Variants in FAM50B observed in about 807,000 individuals in gnomAD.
The protein encoded by FAM50B is protein FAM50B.
Under a neutral mutation model 25.4 loss-of-function variants are expected in FAM50B, and 9 were observed. The observed-to-expected ratio is 0.35, with a 90% CI of 0.21 to 0.62. The LOEUF is 0.62. Ranked by LOEUF, FAM50B falls within the 20% of genes least tolerant of loss-of-function variation. The pLI is 0.73. For missense variants in FAM50B, 372 were observed against 477.9 expected, an observed-to-expected ratio of 0.78 and a Z score of 2.07; for synonymous variants, 212 against 204.3, an observed-to-expected ratio of 1.04 and a Z score of -0.32.
the FAM50B span, among the ~76,000 whole-genome samples, chr6:3,840,845 C>T: frequency 4.6e-5 from 7 of 152,142 alleles, no homozygotes; most frequent in Non-Finnish European, 8.8e-5. Context: ...TAACTATATA[C>T]CAAAAACAGC....
the FAM50B span, among the ~76,000 whole-genome samples, chr6:3,839,867 C>T: frequency 3.9e-5 from 6 of 152,228 alleles, no homozygotes; most frequent in South Asian, 1.2e-3. Context: ...AACATAGGGC[C>T]GGGAGCGGTG....
At chr6:3,834,379 GAAGAA>G in the FAM50B span, among the ~76,000 whole-genome samples, 6 of 124,120 alleles carry the variant, frequency 4.8e-5, no homozygotes, top group South Asian at 2.7e-4. Context: ...AAAAAAAAAG[GAAGAA>G]AAGAAAAGAA....
Position 3,849,658 on chromosome 6 carries a change from C to T in FAM50B, c.-23-131C>T, listed in dbSNP as rs1762174056. The T allele has an allele frequency of 5.2e-6, 7 of 1,340,400 alleles. No homozygotes were observed. In the Admixed American group the frequency reaches 2.1e-4, roughly 39 times the overall value. 83.0% of individuals were successfully genotyped at this position (1,340,400 alleles called of 1,614,324 possible). On this transcript the variant is annotated intron_variant, in intron 1 of 1. Transcript: ENST00000648326. ...GTGACACTGTCAGGTTGGTGGTTAC[C>T]CTAGCAGGTCGGCCCAGCCCCTGAA...
At chr6:3,844,274 C>T in the FAM50B span, among the ~76,000 whole-genome samples, 1 of 152,082 alleles carries the variant, frequency 6.6e-6, no homozygotes, top group African/African-American at 2.4e-5. Context: ...TGTATTTAAT[C>T]GGCATTTCTG....
chr6:3,839,382 G>T, the FAM50B span, among the ~76,000 whole-genome samples: 1 of 152,226 alleles, frequency 6.6e-6, no homozygotes, highest in East Asian at 1.9e-4. Flanking sequence ...CTCCCACTAG[G>T]TTCTTCCTCC....
At chr6:3,845,939 T>C (rs1004149826), upstream of FAM50B, among the ~76,000 whole-genome samples, 5 of 152,068 alleles carry the variant, frequency 3.3e-5, no homozygotes, top group Admixed American at 6.6e-5. Context: ...GCCAGGATGG[T>C]CTCGATCTCT....
chr6:3,844,547 C>A (rs1246635708), upstream of FAM50B, among the ~76,000 whole-genome samples: 2 of 151,958 alleles, frequency 1.3e-5, no homozygotes, highest in Non-Finnish European at 1.5e-5. Context: ...CCCGTCTCTA[C>A]TAAAAATACA....
the FAM50B span, among the ~76,000 whole-genome samples, chr6:3,835,602 C>T: frequency 5.3e-5 from 8 of 152,182 alleles, no homozygotes; most frequent in South Asian, 4.1e-4. Flanking sequence ...GGAGGAACAA[C>T]GCAAACAAGC....
rs763248399 is a variant in FAM50B at position 3,850,618 on chromosome 6, T to A, written c.807T>A (p.Asp269Glu). ...RGKSGPLFSF[D>E]VHDDVRLLSD... ...AGAGCGGGCCGCTCTTCAGCTTCGATGTGCACGATGACGTGCGCCTGCTCA... is the reference window on the plus strand; with the variant it reads ...AGAGCGGGCCGCTCTTCAGCTTCGAAGTGCACGATGACGTGCGCCTGCTCA... The change falls in exon 2 of 2, where the codon GAT becomes GAA. Residue 269 changes from aspartate to glutamate, a missense_variant. Coordinates refer to ENST00000648326, the MANE Select transcript of FAM50B (RefSeq NM_012135.3). 3.1e-6 allele frequency: 5 copies of A among 1,614,008 alleles called. No homozygotes were observed. The African/African-American group carries it at 6.7e-5, about 22-fold the overall frequency.
At chr6:3,832,615 T>C in the FAM50B span, among the ~76,000 whole-genome samples, 1 of 152,162 alleles carries the variant, frequency 6.6e-6, no homozygotes, top group African/African-American at 2.4e-5. Flanking sequence ...GAAGGAACCA[T>C]CTTCCACTGG....
At chr6:3,846,088 G>C (rs1034755063), upstream of FAM50B, among the ~76,000 whole-genome samples, 6 of 152,132 alleles carry the variant, frequency 3.9e-5, no homozygotes, top group African/African-American at 1.4e-4. Context: ...CCACCTATTA[G>C]AGACCTTAGA....
chr6:3,844,491 A>G (rs565724021), upstream of FAM50B, among the ~76,000 whole-genome samples: 98 of 152,326 alleles, frequency 6.4e-4, no homozygotes, highest in African/African-American at 2.3e-3. Flanking sequence ...AGGGCAGATC[A>G]CCTGAGGTCA....
rs763818446 is a variant in FAM50B at position 3,850,156 on chromosome 6, T to A, written c.345T>A (p.Arg115=). The change falls in exon 2 of 2, where the codon CGT becomes CGA. Residue 115 remains arginine, a synonymous_variant. Coordinates refer to ENST00000648326, the MANE Select transcript of FAM50B (RefSeq NM_012135.3). ...AGGAGCAGCGGCGCGAGCGCAAGCG[T>A]AAGATCTCCTGCCTGTCCTTTGCAC... is the stretch of plus-strand genomic sequence containing the variant. ...REQEQRRERK[R]KISCLSFALD... 1 of 1,612,916 alleles carries A rather than the reference T, an allele frequency of 6.2e-7. No homozygotes were observed. The highest frequency in any genetic ancestry group is 8.5e-7 in the Non-Finnish European group (1 of 1,179,762).
At position 3,850,238 on chromosome 6, in the gene FAM50B, G is replaced by C; in HGVS notation, c.427G>C (p.Gly143Arg). Residue 143 changes from glycine to arginine, a missense_variant, in exon 2 of 2, where the codon GGC becomes CGC. Gly to Arg is a moderately radical substitution (Grantham distance 125). This residue lies in a region of FAM50B where 224 missense variants were observed against 232.2 expected (regional missense o/e 0.96). Coordinates refer to ENST00000648326, the MANE Select transcript of FAM50B (RefSeq NM_012135.3). Reference sequence around the variant, plus strand: ...CGAGGCCAGGCGCGCCGGAAACCTGGGCAAGAACCCCGACGTGGACACCAG... The same window carrying C: ...CGAGGCCAGGCGCGCCGGAAACCTGCGCAAGAACCCCGACGTGGACACCAG... ...AAEARRAGNL[G>R]KNPDVDTSFL... The C allele has an allele frequency of 1.2e-6, 2 of 1,613,286 alleles. No homozygotes were observed. The highest frequency in any genetic ancestry group is 2.2e-5 in the South Asian group (2 of 91,066).
chr6:3,844,737 C>A (rs959049051), upstream of FAM50B, among the ~76,000 whole-genome samples: 11 of 151,960 alleles, frequency 7.2e-5, no homozygotes, highest in East Asian at 2.1e-3. Context: ...GAAAAAAAAA[C>A]TTAAATGGAA....
chr6:3,832,896 C>T, the FAM50B span, among the ~76,000 whole-genome samples: 1 of 151,900 alleles, frequency 6.6e-6, no homozygotes, highest in Middle Eastern at 3.4e-3. Flanking sequence ...CTCGCTCTGT[C>T]TCACCCAGGT....
chr6:3,838,859 AACAC>A, the FAM50B span, among the ~76,000 whole-genome samples: 72 of 143,292 alleles, frequency 5.0e-4, no homozygotes, highest in Middle Eastern at 4.1e-3. Flanking sequence ...AAAAAAAAAA[AACAC>A]ACACACAAGA....
chr6:3,833,123 G>C, the FAM50B span, among the ~76,000 whole-genome samples: 3 of 152,144 alleles, frequency 2.0e-5, no homozygotes, highest in Non-Finnish European at 4.4e-5. Context: ...GCCTCTCAAA[G>C]TGCTGGGATT....
At chr6:3,835,619 C>T in the FAM50B span, among the ~76,000 whole-genome samples, 1 of 152,208 alleles carries the variant, frequency 6.6e-6, no homozygotes, top group Admixed American at 6.5e-5. Flanking sequence ...AAGCTTTGGG[C>T]TCCCTTGTTT....
Sources: gnomAD v4.1 joint callset for allele counts (sites outside exome capture counted in the v4.1 genomes callset) on GRCh38, gnomAD v4.1.1 for gene constraint, gnomAD v4.1.1 regional missense constraint, MANE v1.5 for transcripts, NCBI Gene and HGNC (gene_info 2026-07-23, HGNC 2026-07-21) for gene names.